Variants in RFTN1 observed in about 807,000 individuals in gnomAD.
The protein encoded by RFTN1 is raftlin.
A neutral mutation model predicts 46.5 loss-of-function variants in RFTN1; 26 were observed. The ratio of observed to expected loss-of-function variants is 0.56; its 90% CI spans 0.41 to 0.78. The LOEUF is 0.78. Ranked by LOEUF, RFTN1 falls within the 30% of genes least tolerant of loss-of-function variation. The pLI, the probability that RFTN1 is intolerant of heterozygous loss-of-function variation, is 0.00. For missense variants in RFTN1, 693 were observed against 718.7 expected (o/e 0.96, Z 0.41); for synonymous variants, 261 against 284.2 (o/e 0.92, Z 0.82).
chr3:16,396,028 G>C (rs1324101288), intron 4 of RFTN1, among the ~76,000 whole-genome samples: 1 of 152,124 alleles, frequency 6.6e-6, no homozygotes, highest in Non-Finnish European at 1.5e-5. Context: ...TTTCACTCTT[G>C]TTTTTACTTA....
intron 2 of RFTN1, chr3:16,472,194 T>C (rs1035886799): frequency 3.3e-5 from 5 of 151,878 alleles, no homozygotes; most frequent in Admixed American, 6.6e-5. Context: ...GTGAGGATTG[T>C]TATACCTGTT....
intron 2 of RFTN1, among the ~76,000 whole-genome samples, chr3:16,445,067 T>G (rs559574025): frequency 3.3e-4 from 51 of 152,356 alleles, no homozygotes; most frequent in African/African-American, 1.2e-3. Context: ...TTACACACTG[T>G]TTCATATACA....
intron 6 of RFTN1, among the ~76,000 whole-genome samples, chr3:16,366,918 G>A (rs1460494255): frequency 1.3e-5 from 2 of 152,194 alleles, no homozygotes; most frequent in African/African-American, 2.4e-5. Context: ...TTTAATGAAC[G>A]ACCCAGGGAG....
At chr3:16,462,584 G>C (rs1054162541) in intron 2 of RFTN1, among the ~76,000 whole-genome samples, 1 of 152,240 alleles carries the variant, frequency 6.6e-6, no homozygotes, top group Non-Finnish European at 1.5e-5. Flanking sequence ...GAGAGCTGCA[G>C]CTACGAGCCA....
At chr3:16,390,353 C>T (rs1311325904) in intron 4 of RFTN1, among the ~76,000 whole-genome samples, 1 of 152,144 alleles carries the variant, frequency 6.6e-6, no homozygotes, top group Non-Finnish European at 1.5e-5. Flanking sequence ...ACGAGGATAA[C>T]ACAAAAGCTC....
At position 16,460,239 on chromosome 3, in the gene RFTN1, T is replaced by C. The variant is rs1278075085; in HGVS notation, c.146-26202A>G. ...TTTATCTATTGTGTTATTTTGATAT[T>C]TGTACATTTACTGGGATCTGGCAGG... is the stretch of plus-strand genomic sequence containing the variant. On this transcript the variant is annotated intron_variant, in intron 2 of 9. Transcript: ENST00000334133. This position sits in a 1 kb window ranked among gnomAD's most constrained non-coding sequence, Gnocchi z 4.8. Among the ~76,000 whole-genome samples, 1 of 152,222 alleles carries C rather than the reference T, an allele frequency of 6.6e-6. No homozygotes were observed. The highest frequency in any genetic ancestry group is 1.5e-5 in the Non-Finnish European group (1 of 68,028).
chr3:16,328,462 C>G (rs969687017), intron 7 of RFTN1, among the ~76,000 whole-genome samples: 1 of 152,254 alleles, frequency 6.6e-6, no homozygotes. Flanking sequence ...CCTGCCCTGT[C>G]TCTTCAAATG....
intron 3 of RFTN1, chr3:16,416,076 T>C (rs1361996095): frequency 1.4e-5 from 4 of 280,374 alleles, no homozygotes. Flanking sequence ...TAAAAAGAGC[T>C]CTGACCCATC....
rs573997338 is a variant in RFTN1, at chr3:16,334,467, G to A, written c.1147-7591C>T. ...TGCACAGAGTTATTCACTGGAGAGC[G>A]GTCTGCAGTAGCAAGACACTGGAAA... On this transcript the variant is annotated intron_variant, in intron 7 of 9. Transcript: ENST00000334133. This position sits in a 1 kb window ranked among gnomAD's most constrained non-coding sequence, Gnocchi z 4.3. Among the ~76,000 whole-genome samples the A allele has an allele frequency of 6.8e-4, 103 of 152,252 alleles. No homozygotes were observed. Among genetic ancestry groups the A allele is most frequent in the African/African-American group, 2.1e-3 (86 of 41,522 alleles).
At chr3:16,386,386 T>C (rs759878467) in intron 4 of RFTN1, among the ~76,000 whole-genome samples, 1 of 152,232 alleles carries the variant, frequency 6.6e-6, no homozygotes, top group East Asian at 1.9e-4. Context: ...ATTTAATCCT[T>C]ATAATAATAA....
chr3:16,487,352 C>G (rs1329573966), intron 2 of RFTN1, among the ~76,000 whole-genome samples: 1 of 152,182 alleles, frequency 6.6e-6, no homozygotes, highest in Non-Finnish European at 1.5e-5. Flanking sequence ...ATTGTTATGA[C>G]TTAGAGACAC....
chr3:16,365,780 A>G (rs2073127448), intron 6 of RFTN1, among the ~76,000 whole-genome samples: 2 of 152,210 alleles, frequency 1.3e-5, no homozygotes, highest in African/African-American at 2.4e-5. Flanking sequence ...GGCTGGAGAT[A>G]TAAGATCAAT....
At position 16,344,616 on chromosome 3, in the gene RFTN1, C is replaced by T. The variant is rs964432670; in HGVS notation, c.1146+13316G>A. Among the ~76,000 whole-genome samples, 1 of 152,100 alleles carries T rather than the reference C, an allele frequency of 6.6e-6. No individual in the cohort carries two copies. The highest frequency in any genetic ancestry group is 1.5e-5 in the Non-Finnish European group (1 of 68,018). ...TCCCAGAATCAGGTCTCTTCAGGTCCACCACCTTCTAGATCACTGCACAAG... is the reference window on the plus strand; with the variant it reads ...TCCCAGAATCAGGTCTCTTCAGGTCTACCACCTTCTAGATCACTGCACAAG... On this transcript the variant is annotated intron_variant, in intron 7 of 9. Transcript: ENST00000334133. The surrounding 1 kb of genome is among the most constrained non-coding windows in gnomAD (Gnocchi z 4.4).
At chr3:16,319,127 GTC>G (rs2068757792) in intron 9 of RFTN1, among the ~76,000 whole-genome samples, 1 of 152,184 alleles carries the variant, frequency 6.6e-6, no homozygotes, top group South Asian at 2.1e-4. Flanking sequence ...AAATGTAAGA[GTC>G]TCTCCTTTTT....
intron 2 of RFTN1, among the ~76,000 whole-genome samples, chr3:16,485,031 A>G (rs2076425103): frequency 6.6e-6 from 1 of 152,374 alleles, no homozygotes; most frequent in Non-Finnish European, 1.5e-5. Context: ...TGTAAAATAG[A>G]ACAAACACTT....
intron 3 of RFTN1, among the ~76,000 whole-genome samples, chr3:16,431,344 C>T (rs999551174): frequency 4.6e-5 from 7 of 152,158 alleles, no homozygotes; most frequent in Non-Finnish European, 8.8e-5. Flanking sequence ...GTGCGTGCCA[C>T]GGACCATCAG....
intron 8 of RFTN1, among the ~76,000 whole-genome samples, chr3:16,324,873 A>G (rs1402433551): frequency 6.6e-6 from 1 of 151,870 alleles, no homozygotes; most frequent in Non-Finnish European, 1.5e-5. Context: ...TGCTAAGTCT[A>G]TCTTTAGTTT....
rs2073467004 is a variant in RFTN1, at chr3:16,370,812, C to T, written c.827-533G>A. The T allele has an allele frequency of 6.5e-6, 1 of 153,116 alleles. No individual in the cohort carries two copies. The highest frequency in any genetic ancestry group is 2.4e-5 in the African/African-American group (1 of 41,454). 9.5% of individuals were successfully genotyped at this position (153,116 alleles called of 1,614,324 possible). ...TACTTAATCAAGTACATCAAAAATA[C>T]ATCATTGATATGTAAAAATAAATAT... On this transcript the variant is annotated intron_variant, in intron 5 of 9. Transcript: ENST00000334133. The surrounding 1 kb of genome is among the most constrained non-coding windows in gnomAD (Gnocchi z 5.5).
chr3:16,372,185 G>A (rs1230543950), intron 5 of RFTN1, among the ~76,000 whole-genome samples: 1 of 152,184 alleles, frequency 6.6e-6, no homozygotes, highest in Admixed American at 6.5e-5. Flanking sequence ...GTAGGAATGG[G>A]CAACAGGAAG....
Sources: allele counts gnomAD v4.1 joint callset (sites outside exome capture counted in the v4.1 genomes callset), GRCh38; gene constraint gnomAD v4.1.1; non-coding constraint Gnocchi (gnomAD v3.1); transcripts MANE v1.5; gene names NCBI Gene and HGNC (gene_info 2026-07-23, HGNC 2026-07-21).